ATF3: variants seen among roughly 807,000 people sequenced by gnomAD.
ATF3 encodes activating transcription factor 3.
ATF3 carries 10 observed loss-of-function variants against 18.4 expected under a neutral mutation model. The ratio of observed to expected loss-of-function variants is 0.54; its 90% CI spans 0.34 to 0.92. ATF3 has a LOEUF of 0.92. ATF3 is among the 40% of genes least tolerant of loss of function. ATF3 has a pLI of 0.02. For synonymous variants in ATF3, 78 were observed against 87.9 expected, an observed-to-expected ratio of 0.89 and a Z score of 0.63; for missense variants, 183 against 222.3, an observed-to-expected ratio of 0.82 and a Z score of 1.12.
chr1:212,598,392 G>C (rs954138031), intron 1 of ATF3, among the ~76,000 whole-genome samples: 2 of 152,062 alleles, frequency 1.3e-5, no homozygotes, highest in African/African-American at 4.8e-5. Context: ...TTTGATACAG[G>C]CATGCAAGAT....
At chr1:212,589,068 G>C (rs1021775330) in intron 1 of ATF3, among the ~76,000 whole-genome samples, 1 of 152,212 alleles carries the variant, frequency 6.6e-6, no homozygotes, top group Admixed American at 6.5e-5. Flanking sequence ...TCATGAGAGA[G>C]AGTCTGTTTT....
At chr1:212,591,836 A>AT (rs1664892760) in intron 1 of ATF3, among the ~76,000 whole-genome samples, 1 of 151,808 alleles carries the variant, frequency 6.6e-6, no homozygotes, top group Non-Finnish European at 1.5e-5. Context: ...TTATTTATTT[A>AT]TTTTTTGAGA....
At chr1:212,606,432 T>A (rs1229749356), upstream of ATF3, among the ~76,000 whole-genome samples, 2 of 152,352 alleles carry the variant, frequency 1.3e-5, no homozygotes, top group South Asian at 2.1e-4. Flanking sequence ...GGAGGCACAA[T>A]GGTAATAAGA....
At chr1:212,587,964 G>A (rs971194682) in intron 1 of ATF3, among the ~76,000 whole-genome samples, 1 of 151,868 alleles carries the variant, frequency 6.6e-6, no homozygotes, top group Non-Finnish European at 1.5e-5. Context: ...GGGTGGGGGC[G>A]GGTTTCATTC....
intron 1 of ATF3, among the ~76,000 whole-genome samples, chr1:212,572,211 T>C (rs752924541): frequency 6.6e-6 from 1 of 152,140 alleles, no homozygotes; most frequent in African/African-American, 2.4e-5. Flanking sequence ...CATCATTCCT[T>C]TTCATGTTCA....
chr1:212,594,635 G>C (rs1664954942), intron 1 of ATF3, among the ~76,000 whole-genome samples: 1 of 152,204 alleles, frequency 6.6e-6, no homozygotes, highest in Admixed American at 6.5e-5. Context: ...GGGTACAAGA[G>C]AGCCTGGGTC....
upstream of ATF3, among the ~76,000 whole-genome samples, chr1:212,605,797 A>G (rs561425714): frequency 3.9e-5 from 6 of 152,296 alleles, no homozygotes; most frequent in East Asian, 9.6e-4. Flanking sequence ...CTCACTCAGC[A>G]AAACATACCA....
At chr1:212,608,047 G>A (rs4951628), upstream of ATF3, among the ~76,000 whole-genome samples, 1 of 152,116 alleles carries the variant, frequency 6.6e-6, no homozygotes, top group Non-Finnish European at 1.5e-5. Context: ...GCTGCCCTCC[G>A]CTTTTGTGTT....
At chr1:212,604,912 T>A (rs1654577689), upstream of ATF3, among the ~76,000 whole-genome samples, 1 of 152,126 alleles carries the variant, frequency 6.6e-6, no homozygotes, top group Non-Finnish European at 1.5e-5. Context: ...GTGGTGGAGT[T>A]GCTGTGATGG....
chr1:212,591,324 A>G (rs1448029504), intron 1 of ATF3, among the ~76,000 whole-genome samples: 1 of 152,190 alleles, frequency 6.6e-6, no homozygotes, highest in Non-Finnish European at 1.5e-5. Flanking sequence ...ACTATATTCA[A>G]CAACTGCCAC....
chr1:212,611,189 C>T (rs1654879985), intron 1 of ATF3, among the ~76,000 whole-genome samples: 1 of 152,204 alleles, frequency 6.6e-6, no homozygotes, highest in African/African-American at 2.4e-5. Flanking sequence ...TGCAGAAATG[C>T]TGGCATCAGC....
At chr1:212,568,129 C>T (rs540778102) in intron 1 of ATF3, among the ~76,000 whole-genome samples, 12 of 152,132 alleles carry the variant, frequency 7.9e-5, no homozygotes, top group African/African-American at 1.9e-4. Flanking sequence ...AAGCTATAAA[C>T]GCCAGAGCTC....
At chr1:212,576,728 T>TC (rs1165036712) in intron 1 of ATF3, among the ~76,000 whole-genome samples, 16 of 125,582 alleles carry the variant, frequency 1.3e-4, no homozygotes, top group South Asian at 8.3e-4. Flanking sequence ...TTTCTTTTTT[T>TC]TTTTTTTTTT....
At chr1:212,616,484 G>A (rs945726878) in intron 2 of ATF3, among the ~76,000 whole-genome samples, 1 of 152,106 alleles carries the variant, frequency 6.6e-6, no homozygotes, top group Non-Finnish European at 1.5e-5. Flanking sequence ...TTTTAGTAGA[G>A]ACGGGGTTTC....
chr1:212,569,778 T>C (rs914664206), intron 1 of ATF3, among the ~76,000 whole-genome samples: 4 of 152,188 alleles, frequency 2.6e-5, no homozygotes, highest in African/African-American at 9.6e-5. Context: ...TTGGGTAATA[T>C]CTGATTCATC....
chr1:212,601,107 TGCCC>T (rs1248700084), intron 1 of ATF3, among the ~76,000 whole-genome samples: 1 of 152,226 alleles, frequency 6.6e-6, no homozygotes, highest in African/African-American at 2.4e-5. Flanking sequence ...TGACTCACTT[TGCCC>T]TCAGCCACTC....
intron 1 of ATF3, among the ~76,000 whole-genome samples, chr1:212,593,734 C>T (rs12066352): frequency 0.3 from 39,614 of 130,826 alleles, 5,966 homozygotes; most frequent in African/African-American, 0.45. Context: ...GAGAGAGACC[C>T]TGTCTCTTTA....
chr1:212,587,603 T>G (rs1364069397), intron 1 of ATF3, among the ~76,000 whole-genome samples: 1 of 152,106 alleles, frequency 6.6e-6, no homozygotes, highest in Non-Finnish European at 1.5e-5. Flanking sequence ...GAATATGAAC[T>G]TAAAACACAG....
At position 212,615,038 on chromosome 1, in the gene ATF3, C is replaced by G; in HGVS notation, c.17C>G (p.Pro6Arg). The G allele has an allele frequency of 6.2e-7, 1 of 1,614,194 alleles. No individual in the cohort carries two copies. Among genetic ancestry groups the G allele is most frequent in the Non-Finnish European group, 8.5e-7 (1 of 1,180,042 alleles). The stretch of plus-strand genomic sequence containing the variant: ...TTCAGCAAAATGATGCTTCAACACC[C>G]AGGCCAGGTCTCTGCCTCGGAAGTG... MMLQH[P>R]GQVSASEVSA... The change falls in exon 2 of 4, where the codon CCA (proline) becomes CGA (arginine). Residue 6 changes from proline (P) to arginine (R), a missense_variant. Pro to Arg is a moderately radical substitution (Grantham distance 103). Transcript: ENST00000341491.
Sources: gnomAD v4.1 joint callset for allele counts (sites outside exome capture counted in the v4.1 genomes callset) on GRCh38, gnomAD v4.1.1 for gene constraint, MANE v1.5 for transcripts, NCBI Gene and HGNC (gene_info 2026-07-23, HGNC 2026-07-21) for gene names.